The following PLD5 variants were observed in gnomAD, a reference collection of about 807,000 sequenced individuals.
PLD5 encodes inactive phospholipase D5.
Under a neutral mutation model 61.1 loss-of-function variants are expected in PLD5, and 36 were observed. The observed-to-expected ratio is 0.59, with a 90% confidence interval of 0.45 to 0.78. PLD5 has a LOEUF of 0.78. PLD5 is among the 30% of genes least tolerant of loss of function. The pLI is 0.00. For missense variants in PLD5, 515 were observed against 644.4 expected (o/e 0.80, Z 2.17); for synonymous variants, 243 against 242.8 (o/e 1.00, Z -0.01).
chr1:242,399,283 G>C (rs940437477), intron 1 of PLD5, among the ~76,000 whole-genome samples: 1 of 152,204 alleles, frequency 6.6e-6, no homozygotes, highest in East Asian at 1.9e-4. Context: ...GGTTTTCTCA[G>C]CGTGAGTAGA....
At chr1:242,131,033 C>T (rs775423070) in intron 5 of PLD5, among the ~76,000 whole-genome samples, 7 of 152,132 alleles carry the variant, frequency 4.6e-5, no homozygotes, top group South Asian at 2.1e-4. Context: ...TGGCCGGGCG[C>T]GGTGACTCAC....
At chr1:242,461,592 T>C (rs1296796174) in intron 1 of PLD5, among the ~76,000 whole-genome samples, 1 of 152,262 alleles carries the variant, frequency 6.6e-6, no homozygotes, top group African/African-American at 2.4e-5. Context: ...TTTATCTTCC[T>C]TCGGGTATAT....
At chr1:242,432,484 T>C (rs1240465982) in intron 1 of PLD5, among the ~76,000 whole-genome samples, 1 of 151,942 alleles carries the variant, frequency 6.6e-6, no homozygotes, top group Non-Finnish European at 1.5e-5. Context: ...CTGTCCCTGC[T>C]CAATGCTCAT....
At chr1:242,113,561 T>A (rs1661711116) in intron 7 of PLD5, among the ~76,000 whole-genome samples, 2 of 152,244 alleles carry the variant, frequency 1.3e-5, no homozygotes, top group Non-Finnish European at 2.9e-5. Flanking sequence ...TGATAATTTT[T>A]TTCATATAAT....
chr1:242,469,763 A>G (rs12120046), intron 1 of PLD5, among the ~76,000 whole-genome samples: 28,327 of 152,090 alleles, frequency 0.19, 3,206 homozygotes, highest in Non-Finnish European at 0.25. Context: ...TGTCCAGGGA[A>G]CATGCACGAA....
At chr1:242,288,237 A>T in intron 3 of PLD5, 125 bp downstream of exon 3, 1 of 1,343,040 alleles carries the variant, frequency 7.4e-7, no homozygotes, top group Non-Finnish European at 1.0e-6. Flanking sequence ...AATAATGTAC[A>T]TGTACTCTGG....
At chr1:242,110,030 T>A (rs1661357968) in intron 7 of PLD5, among the ~76,000 whole-genome samples, 1 of 147,798 alleles carries the variant, frequency 6.8e-6, no homozygotes, top group Non-Finnish European at 1.5e-5. Flanking sequence ...TCACATTATA[T>A]TATTATATTA....
chr1:242,506,045 T>C (rs1668707975), intron 1 of PLD5, among the ~76,000 whole-genome samples: 1 of 152,244 alleles, frequency 6.6e-6, no homozygotes, highest in South Asian at 2.1e-4. Context: ...ACCAGTCATA[T>C]AAAAGTACTA....
intron 9 of PLD5, among the ~76,000 whole-genome samples, chr1:242,092,712 A>G (rs1659929521): frequency 6.6e-6 from 1 of 152,146 alleles, no homozygotes; most frequent in Non-Finnish European, 1.5e-5. Flanking sequence ...GCCCGCAGTC[A>G]TCTGTGGGAG....
At chr1:242,164,456 T>A (rs775596275) in intron 5 of PLD5, among the ~76,000 whole-genome samples, 25 of 151,870 alleles carry the variant, frequency 1.6e-4, no homozygotes, top group Non-Finnish European at 3.4e-4. Context: ...GTCTCCAGAT[T>A]CACTGACGGG....
At chr1:242,104,343 A>T (rs1003921339) in intron 8 of PLD5, among the ~76,000 whole-genome samples, 11 of 143,150 alleles carry the variant, frequency 7.7e-5, no homozygotes, top group Middle Eastern at 3.5e-3. Flanking sequence ...CATGTTGTCC[A>T]GGCTGGTCTT....
intron 8 of PLD5, among the ~76,000 whole-genome samples, chr1:242,105,222 G>T (rs1455300644): frequency 6.8e-6 from 1 of 146,580 alleles, no homozygotes; most frequent in African/African-American, 2.5e-5. Flanking sequence ...CTGTGTGTTG[G>T]TTTTTTTTTT....
At position 242,449,207 on chromosome 1, in the gene PLD5, C is replaced by T. The variant is rs186755233; in HGVS notation, c.189+74881G>A. 414 of 958,880 alleles carry T rather than the reference C, an allele frequency of 4.3e-4. 2 individuals carry two copies. Among genetic ancestry groups the T allele is most frequent in the African/African-American group, 3.6e-3 (223 of 61,434 alleles). 59.4% of individuals were successfully genotyped at this position (958,880 alleles called of 1,614,324 possible). On this transcript the variant is annotated intron_variant, in intron 1 of 9. Transcript: ENST00000536534. ...CAGTGCTCTGGTGAAAAGAGTGTTC[C>T]TGCCCTTCTCATAAAAAAAGGACAG...
At chr1:242,138,519 T>A (rs1226951196) in intron 5 of PLD5, among the ~76,000 whole-genome samples, 1 of 152,072 alleles carries the variant, frequency 6.6e-6, no homozygotes, top group East Asian at 1.9e-4. Context: ...TACAAAATAG[T>A]TTTTCAGGTA....
chr1:242,236,742 T>C (rs1671662564), intron 4 of PLD5, among the ~76,000 whole-genome samples: 1 of 152,226 alleles, frequency 6.6e-6, no homozygotes, highest in Non-Finnish European at 1.5e-5. Context: ...CTTCTAAAAA[T>C]ATGGGTTCAC....
At chr1:242,188,995 AC>A (rs1275043577) in intron 5 of PLD5, among the ~76,000 whole-genome samples, 1 of 151,906 alleles carries the variant, frequency 6.6e-6, no homozygotes, top group Non-Finnish European at 1.5e-5. Flanking sequence ...AAACAAACAA[AC>A]AAAAAGAGAT....
intron 1 of PLD5, among the ~76,000 whole-genome samples, chr1:242,518,989 C>T (rs934951514): frequency 6.6e-6 from 1 of 152,136 alleles, no homozygotes; most frequent in Middle Eastern, 3.2e-3. Flanking sequence ...GAGTTGGAGG[C>T]GGCAGAGAAT....
At chr1:242,140,789 C>G (rs1337448991) in intron 5 of PLD5, among the ~76,000 whole-genome samples, 1 of 151,918 alleles carries the variant, frequency 6.6e-6, no homozygotes, top group Non-Finnish European at 1.5e-5. Flanking sequence ...TTTTCTTTAG[C>G]CTCTCAGCCC....
At chr1:242,340,120 C>G (rs1349754835) in intron 2 of PLD5, among the ~76,000 whole-genome samples, 1 of 152,138 alleles carries the variant, frequency 6.6e-6, no homozygotes, top group Non-Finnish European at 1.5e-5. Context: ...AAATAAAAGG[C>G]TCTAGAGACA....
Sources: gnomAD v4.1 joint callset for allele counts (sites outside exome capture counted in the v4.1 genomes callset) on GRCh38, gnomAD v4.1.1 for gene constraint, MANE v1.5 for transcripts, NCBI Gene and HGNC (gene_info 2026-07-23, HGNC 2026-07-21) for gene names.